Variants in SNX24 observed in about 807,000 individuals in gnomAD.
The protein encoded by SNX24 is sorting nexin-24.
A neutral mutation model predicts 28.7 loss-of-function variants in SNX24; 22 were observed. That is an observed-to-expected ratio of 0.77 (90% CI 0.55 to 1.10). SNX24 has a LOEUF of 1.10. SNX24 is among the 50% of genes least tolerant of loss of function. The probability of loss-of-function intolerance (pLI) is 0.00; values close to 1 mark genes in which losing one functional copy is unlikely to be tolerated. For missense variants in SNX24, 221 were observed against 201.1 expected, an observed-to-expected ratio of 1.10 and a Z score of -0.60; for synonymous variants, 69 against 71.5, an observed-to-expected ratio of 0.96 and a Z score of 0.18.
At chr5:122,958,388 G>A (rs1265314418) in intron 3 of SNX24, among the ~76,000 whole-genome samples, 3 of 152,034 alleles carry the variant, frequency 2.0e-5, no homozygotes, top group Non-Finnish European at 2.9e-5. Context: ...CAAGTAGCTG[G>A]GATTACAGGC....
At chr5:122,962,698 A>G (rs1039661711) in intron 3 of SNX24, among the ~76,000 whole-genome samples, 2 of 152,232 alleles carry the variant, frequency 1.3e-5, no homozygotes, top group Admixed American at 6.5e-5. Flanking sequence ...TAGGTATTTC[A>G]TGGAGAGGGA....
chr5:122,899,708 C>A lies in SNX24; in HGVS notation c.61-37026C>A, dbSNP rs547302012. ...ACAGGCGCGAGGCACTGTGCCTGGCCCCCTCTGTTGAATAGTAAAAAGTTC... is the reference window on the plus strand; with the variant it reads ...ACAGGCGCGAGGCACTGTGCCTGGCACCCTCTGTTGAATAGTAAAAAGTTC... On this transcript the variant is annotated intron_variant, in intron 1 of 6. Transcript: ENST00000261369. Among the ~76,000 whole-genome samples the A allele has an allele frequency of 2.6e-5, 4 of 152,236 alleles. No homozygotes were observed. In the East Asian group the frequency reaches 7.7e-4, roughly 29 times the overall value.
chr5:122,967,754 T>C (rs1007006108), intron 3 of SNX24, among the ~76,000 whole-genome samples: 2 of 152,162 alleles, frequency 1.3e-5, no homozygotes, highest in African/African-American at 4.8e-5. Context: ...TTATGAGTTA[T>C]ATTATCTGCA....
At chr5:122,968,706 T>C (rs1472576883) in intron 3 of SNX24, among the ~76,000 whole-genome samples, 1 of 152,186 alleles carries the variant, frequency 6.6e-6, no homozygotes, top group Non-Finnish European at 1.5e-5. Context: ...GCAATCACTG[T>C]GTTGCAACCT....
downstream of SNX24, among the ~76,000 whole-genome samples, chr5:123,009,972 G>C (rs1762539364): frequency 1.3e-5 from 2 of 152,208 alleles, no homozygotes; most frequent in East Asian, 3.8e-4. Context: ...AAAAGGACCT[G>C]TTATCTCCAT....
At chr5:122,958,367 C>T (rs1760309938) in intron 3 of SNX24, among the ~76,000 whole-genome samples, 1 of 152,132 alleles carries the variant, frequency 6.6e-6, no homozygotes, top group African/African-American at 2.4e-5. Flanking sequence ...GATTCTCCTG[C>T]CTCAGCCTCC....
rs548099205 is a variant in SNX24 at position 122,992,234 on chromosome 5, C to T, written c.250-7678C>T. The stretch of plus-strand genomic sequence containing the variant: ...AGATAGCCAAAGAGAGGATTTAATG[C>T]GTGGTCCCTGGATCTGATGAACACT... On this transcript the variant is annotated intron_variant, in intron 3 of 6. Coordinates refer to ENST00000261369, the MANE Select transcript of SNX24 (RefSeq NM_014035.4). Among the ~76,000 whole-genome samples, 11 of 152,226 alleles carry T rather than the reference C, an allele frequency of 7.2e-5. No individual in the cohort carries two copies. The South Asian group carries it at 1.0e-3, about 14-fold the overall frequency.
Position 122,868,030 on chromosome 5 carries a change from G to C in SNX24, c.60+22337G>C, listed in dbSNP as rs376595116. ...ACCACTTTGCTTCAAAGATATCCCA[G>C]AGAGGGACAGTGTACTGCAGCTGTG... On this transcript the variant is annotated intron_variant, in intron 1 of 6. Transcript: ENST00000261369. Among the ~76,000 whole-genome samples the C allele has an allele frequency of 1.1e-4, 16 of 152,338 alleles. 2 individuals are homozygous for C. Among genetic ancestry groups the C allele is most frequent in the East Asian group, 3.9e-4 (2 of 5,184 alleles).
intron 1 of SNX24, among the ~76,000 whole-genome samples, chr5:122,930,846 G>T (rs1286054013): frequency 6.6e-6 from 1 of 152,112 alleles, no homozygotes; most frequent in Non-Finnish European, 1.5e-5. Context: ...ATTTTGTTGT[G>T]GCAATTATGG....
chr5:122,891,114 C>G (rs1756948537), intron 1 of SNX24: 2 of 1,515,672 alleles, frequency 1.3e-6, no homozygotes, highest in Non-Finnish European at 1.8e-6. Flanking sequence ...AAATGGAAGA[C>G]TTACATATCA....
At chr5:123,018,007 C>G (rs62377436) in intron 5 of SNX24, among the ~76,000 whole-genome samples, 33,460 of 151,866 alleles carry the variant, frequency 0.22, 4,722 homozygotes, top group Non-Finnish European at 0.33. Context: ...TGAATGAGAT[C>G]TAATCCTTGC....
At position 123,021,179 on chromosome 5, in the gene SNX24, G is replaced by A. The variant is rs547304765; in HGVS notation, n.384-8059G>A. 8.5e-4 allele frequency among the ~76,000 whole-genome samples: 125 copies of A among 146,446 alleles called. 1 individual carries two copies. Among genetic ancestry groups the A allele is most frequent in the African/African-American group, 3.1e-3 (119 of 38,688 alleles). On this transcript the variant is annotated intron_variant and non_coding_transcript_variant, in intron 5 of 5. Coordinates refer to the SNX24 transcript ENST00000502387. The stretch of plus-strand genomic sequence containing the variant: ...CTGACCACCCCTTCACTGTCTATTC[G>A]CTTTCTCTGACTTCACTGACTTATT...
chr5:122,951,983 C>T (rs529312119), intron 3 of SNX24, among the ~76,000 whole-genome samples: 15 of 152,324 alleles, frequency 9.8e-5, no homozygotes, highest in South Asian at 4.1e-4. Flanking sequence ...GCTGGCATGA[C>T]GCCACAAGAG....
At chr5:122,869,200 G>A (rs1382860821) in intron 1 of SNX24, among the ~76,000 whole-genome samples, 4 of 152,162 alleles carry the variant, frequency 2.6e-5, no homozygotes, top group Non-Finnish European at 5.9e-5. Context: ...AAACTATTGA[G>A]CCTGAGCTAA....
At chr5:122,935,000 G>A in intron 1 of SNX24, among the ~76,000 whole-genome samples, 1 of 152,194 alleles carries the variant, frequency 6.6e-6, no homozygotes, top group East Asian at 1.9e-4. Context: ...TCAAGGGGGG[G>A]CACTTTGAGG....
intron 1 of SNX24, among the ~76,000 whole-genome samples, chr5:122,932,783 C>T (rs1372218202): frequency 1.0e-4 from 15 of 147,106 alleles, no homozygotes; most frequent in Non-Finnish European, 2.2e-4. Context: ...GGCGTGAACC[C>T]AGGGGGCGGA....
Position 122,938,208 on chromosome 5 carries a change from C to G in SNX24, c.144+1391C>G, listed in dbSNP as rs77623722. Among the ~76,000 whole-genome samples, 82 of 152,206 alleles carry G rather than the reference C, an allele frequency of 5.4e-4. No homozygotes were observed. The East Asian group carries it at 0.01, about 19-fold the overall frequency. ...ACGAGGCTGCCCGTGCTTCTGGAGGCGAGGCTTGTTCACCCTGTTCTCTGC... is the reference window on the plus strand; with the variant it reads ...ACGAGGCTGCCCGTGCTTCTGGAGGGGAGGCTTGTTCACCCTGTTCTCTGC... On this transcript the variant is annotated intron_variant, in intron 2 of 6. Transcript: ENST00000261369.
intron 1 of SNX24, among the ~76,000 whole-genome samples, chr5:122,889,651 GTATATATA>G (rs201280246): frequency 7.1e-6 from 1 of 141,026 alleles, no homozygotes; most frequent in Non-Finnish European, 1.5e-5. Context: ...ACATACATAT[GTATATATA>G]TGTGTATATA....
intron 1 of SNX24, among the ~76,000 whole-genome samples, chr5:122,880,508 T>C (rs139295787): frequency 2.9e-4 from 44 of 152,332 alleles, no homozygotes; most frequent in African/African-American, 9.9e-4. Context: ...TGAGGATGCA[T>C]GAACCTGCCT....
Sources: allele counts gnomAD v4.1 joint callset (sites outside exome capture counted in the v4.1 genomes callset), GRCh38; gene constraint gnomAD v4.1.1; transcripts MANE v1.5; gene names NCBI Gene and HGNC (gene_info 2026-07-23, HGNC 2026-07-21).